MEGF10: variants seen among roughly 807,000 people sequenced by gnomAD.
MEGF10 encodes multiple epidermal growth factor-like domains protein 10.
MEGF10 carries 86 observed loss-of-function variants against 147.5 expected under a neutral mutation model. The ratio of observed to expected loss-of-function variants is 0.58; its 90% confidence interval spans 0.49 to 0.70. The LOEUF (loss-of-function observed/expected upper bound fraction) is 0.70, where lower values mean the gene tolerates loss of function less well. Ranked by LOEUF, MEGF10 falls within the 30% of genes least tolerant of loss-of-function variation. The pLI, the probability that MEGF10 is intolerant of heterozygous loss-of-function variation, is 0.00. For synonymous variants in MEGF10, 478 were observed against 525.5 expected, an observed-to-expected ratio of 0.91 and a Z score of 1.24; for missense variants, 1,329 against 1,487.3, an observed-to-expected ratio of 0.89 and a Z score of 1.75.
In MEGF10 at chr5:127,317,621, A is replaced by G. The variant is rs139828194; in HGVS notation, c.-18-13670A>G. On this transcript the variant is annotated intron_variant, in intron 1 of 24. Coordinates refer to ENST00000503335, the MANE Select transcript of MEGF10 (RefSeq NM_001256545.2). ...TGCAGGGACATGGATGAAGCTGGAAACCATCATTCTGAGCAAACTATCACA... is the reference window on the plus strand; with the variant it reads ...TGCAGGGACATGGATGAAGCTGGAAGCCATCATTCTGAGCAAACTATCACA... Among the ~76,000 whole-genome samples, 5 of 152,258 alleles carry G rather than the reference A, an allele frequency of 3.3e-5. No homozygotes were observed. In the East Asian group the frequency reaches 7.7e-4, roughly 24 times the overall value.
At chr5:127,247,543 T>C in the MEGF10 span, among the ~76,000 whole-genome samples, 8,241 of 140,146 alleles carry the variant, frequency 0.059, 954 homozygotes, top group African/African-American at 0.15. Flanking sequence ...ATGAATTTGA[T>C]TTATCTATGC....
At chr5:127,435,227 G>A in intron 15 of MEGF10, 134 bp from the exon 16 acceptor site, 2 of 1,036,364 alleles carry the variant, frequency 1.9e-6, no homozygotes, top group South Asian at 3.6e-5. Context: ...CAAGATGAAG[G>A]ATGCTGTTGA....
rs146724967 is a variant in MEGF10, at chr5:127,291,670, T to A, written c.-19+614T>A. ...AAGGAGTGCTGGGAGGGACGGTTTT[T>A]CAAGTGATAGTTACTTAAGAAAGAT... On this transcript the variant is annotated intron_variant, in intron 1 of 24. Coordinates refer to ENST00000503335, the MANE Select transcript of MEGF10 (RefSeq NM_001256545.2). Among the ~76,000 whole-genome samples, 576 of 152,316 alleles carry A rather than the reference T, an allele frequency of 3.8e-3. 5 individuals are homozygous for A. The highest frequency in any genetic ancestry group is 0.013 in the African/African-American group (546 of 41,572).
chr5:127,249,566 G>A, the MEGF10 span, among the ~76,000 whole-genome samples: 1 of 151,974 alleles, frequency 6.6e-6, no homozygotes. Context: ...TACATTGAAT[G>A]TAAATGTACT....
intron 1 of MEGF10, among the ~76,000 whole-genome samples, chr5:127,302,529 G>A (rs1331096516): frequency 6.6e-6 from 1 of 152,126 alleles, no homozygotes. Context: ...TAGGACAATG[G>A]AAATATTCCA....
At chr5:127,277,530 T>C in the MEGF10 span, among the ~76,000 whole-genome samples, 3 of 152,210 alleles carry the variant, frequency 2.0e-5, no homozygotes, top group Non-Finnish European at 4.4e-5. Context: ...ACAGAGGCAC[T>C]GTGAACACTT....
At chr5:127,429,328 TC>T (rs1765318550) in intron 13 of MEGF10, among the ~76,000 whole-genome samples, 1 of 152,138 alleles carries the variant, frequency 6.6e-6, no homozygotes, top group African/African-American at 2.4e-5. Context: ...GGCAGACATC[TC>T]CACCTCCTTA....
rs1268980289 is a variant in MEGF10 at position 127,391,151 on chromosome 5, CACAT to C, written c.413-5376_413-5373del. ...ACACACACACACACACACACACACA[CACAT>C]ACATGCTTATTTCTTTAGGAAAAAC... On this transcript the variant is annotated intron_variant, in intron 5 of 24. Coordinates refer to ENST00000503335, the MANE Select transcript of MEGF10 (RefSeq NM_001256545.2). Among the ~76,000 whole-genome samples the C allele has an allele frequency of 5.4e-3, 204 of 37,850 alleles. 2 individuals are homozygous for C. The highest frequency in any genetic ancestry group is 9.8e-3 in the African/African-American group (172 of 17,560). The allele number at this position is 37,850 out of a possible 152,430, so 24.8% of individuals were successfully genotyped here. A position where few individuals can be genotyped will look rare whatever the true frequency, so the allele number is the denominator to read the frequency against.
chr5:127,313,209 G>A (rs191552604), intron 1 of MEGF10, among the ~76,000 whole-genome samples: 189 of 152,244 alleles, frequency 1.2e-3, no homozygotes, highest in African/African-American at 4.3e-3. Flanking sequence ...CTATGGGATC[G>A]TGTAGATTTG....
chr5:127,229,437 G>A, the MEGF10 span: 1 of 152,050 alleles, frequency 6.6e-6, no homozygotes, highest in Non-Finnish European at 1.5e-5. Flanking sequence ...GCGACCCTGG[G>A]GCGGGTCACC....
chr5:127,393,435 A>T (rs1763779333), intron 5 of MEGF10, among the ~76,000 whole-genome samples: 1 of 152,256 alleles, frequency 6.6e-6, no homozygotes, highest in Non-Finnish European at 1.5e-5. Context: ...AAATGGATGC[A>T]TTGAAGTGGT....
At chr5:127,352,167 T>C (rs1762109820) in intron 4 of MEGF10, among the ~76,000 whole-genome samples, 1 of 152,154 alleles carries the variant, frequency 6.6e-6, no homozygotes, top group Non-Finnish European at 1.5e-5. Context: ...CACATCTTAA[T>C]GCATTTTGAG....
intron 9 of MEGF10, among the ~76,000 whole-genome samples, chr5:127,416,914 G>C (rs760643667): frequency 1.3e-5 from 2 of 152,244 alleles, no homozygotes; most frequent in Non-Finnish European, 2.9e-5. Flanking sequence ...ATATGACACA[G>C]GTGTTTGTTT....
At chr5:127,391,285 C>T (rs1438838513) in intron 5 of MEGF10, among the ~76,000 whole-genome samples, 3 of 151,960 alleles carry the variant, frequency 2.0e-5, no homozygotes, top group Non-Finnish European at 4.4e-5. Flanking sequence ...TATAAGAGTG[C>T]TGGTTTCTAG....
At chr5:127,291,838 T>G (rs1384092412) in intron 1 of MEGF10, among the ~76,000 whole-genome samples, 1 of 152,218 alleles carries the variant, frequency 6.6e-6, no homozygotes, top group Non-Finnish European at 1.5e-5. Context: ...TGGCAATATC[T>G]TTGCTGCTTC....
intron 13 of MEGF10, among the ~76,000 whole-genome samples, chr5:127,429,492 G>A (rs1009159624): frequency 1.3e-5 from 2 of 152,202 alleles, no homozygotes; most frequent in African/African-American, 4.8e-5. Context: ...TAGGAATTAT[G>A]TGTATCGATT....
intron 1 of MEGF10, among the ~76,000 whole-genome samples, chr5:127,323,476 C>T (rs1760875093): frequency 6.6e-6 from 1 of 152,154 alleles, no homozygotes; most frequent in Non-Finnish European, 1.5e-5. Flanking sequence ...TGAGCTCTTG[C>T]CAGGAGTTAC....
rs73783799 is a variant in MEGF10, at chr5:127,446,207, T to G, written c.2728+514T>G. On this transcript the variant is annotated intron_variant, in intron 20 of 24. Coordinates refer to ENST00000503335, the MANE Select transcript of MEGF10 (RefSeq NM_001256545.2). ...CCAAGGCAGCCCTTTAAGAAAACTCTTGATTTTTTCTGTTCTGTCACAATG... is the reference window on the plus strand; with the variant it reads ...CCAAGGCAGCCCTTTAAGAAAACTCGTGATTTTTTCTGTTCTGTCACAATG... Among the ~76,000 whole-genome samples the G allele has an allele frequency of 5.3e-3, 801 of 152,328 alleles. 10 individuals carry two copies. Among genetic ancestry groups the G allele is most frequent in the African/African-American group, 0.018 (765 of 41,566 alleles).
intron 8 of MEGF10, among the ~76,000 whole-genome samples, chr5:127,407,842 G>A (rs1359215923): frequency 2.0e-5 from 3 of 152,134 alleles, no homozygotes; most frequent in Non-Finnish European, 4.4e-5. Flanking sequence ...TTTTCAAGAT[G>A]GAGAATATAT....
Sources: allele counts gnomAD v4.1 joint callset (sites outside exome capture counted in the v4.1 genomes callset), GRCh38; gene constraint gnomAD v4.1.1; transcripts MANE v1.5; gene names NCBI Gene and HGNC (gene_info 2026-07-23, HGNC 2026-07-21).